RIMBP2: variants seen among roughly 807,000 people sequenced by gnomAD.
RIMBP2 encodes the protein RIMS-binding protein 2.
A neutral mutation model predicts 118.6 loss-of-function variants in RIMBP2; 48 were observed. The observed-to-expected ratio is 0.40, with a 90% CI of 0.32 to 0.51. The LOEUF (loss-of-function observed/expected upper bound fraction) is 0.51, where lower values mean the gene tolerates loss of function less well. Ranked by LOEUF, RIMBP2 falls within the 20% of genes least tolerant of loss-of-function variation. The pLI, the probability that RIMBP2 is intolerant of heterozygous loss-of-function variation, is 0.41. For missense variants in RIMBP2, 1,551 were observed against 1,768.3 expected, an observed-to-expected ratio of 0.88 and a Z score of 2.20; for synonymous variants, 762 against 742.9, an observed-to-expected ratio of 1.03 and a Z score of -0.42.
At chr12:130,590,280 A>G (rs757113474) in intron 2 of RIMBP2, among the ~76,000 whole-genome samples, 7 of 152,120 alleles carry the variant, frequency 4.6e-5, no homozygotes, top group Non-Finnish European at 1.0e-4. Context: ...GCTGAAGCTC[A>G]AGGCCACCTG....
chr12:130,404,862 GTAGTGT>G (rs2075012111), intron 21 of RIMBP2, among the ~76,000 whole-genome samples: 1 of 152,098 alleles, frequency 6.6e-6, no homozygotes, highest in African/African-American at 2.4e-5. Flanking sequence ...ACAGCATGGA[GTAGTGT>G]TAAAGTCCAT....
chr12:130,409,660 G>A (rs1188638243), intron 19 of RIMBP2, among the ~76,000 whole-genome samples: 1 of 152,112 alleles, frequency 6.6e-6, no homozygotes, highest in Non-Finnish European at 1.5e-5. Context: ...TAGCTTTTGA[G>A]ACAGGCTTCT....
chr12:130,397,742 A>C, intron 22 of RIMBP2, 193 bp from the exon 23 acceptor site: 3 of 374,456 alleles, frequency 8.0e-6, no homozygotes, highest in Non-Finnish European at 1.4e-5. Context: ...CCAGACATAA[A>C]TGTGTGGGTT....
At chr12:130,416,382 G>A (rs1039493675) in intron 17 of RIMBP2, among the ~76,000 whole-genome samples, 2 of 152,118 alleles carry the variant, frequency 1.3e-5, no homozygotes, top group African/African-American at 4.8e-5. Context: ...CAGACACACA[G>A]ACTAATGGAA....
At chr12:130,672,344 T>C (rs1427829355) in intron 1 of RIMBP2, among the ~76,000 whole-genome samples, 2 of 152,350 alleles carry the variant, frequency 1.3e-5, no homozygotes, top group Non-Finnish European at 2.9e-5. Flanking sequence ...AAATAAGAAA[T>C]CGTTTTCCAT....
intron 2 of RIMBP2, among the ~76,000 whole-genome samples, chr12:130,544,361 C>A (rs1035233963): frequency 1.3e-5 from 2 of 152,194 alleles, no homozygotes; most frequent in South Asian, 4.1e-4. Flanking sequence ...CAGGATTGGT[C>A]AGCTGGTCCA....
chr12:130,436,639 A>G (rs572390925), intron 13 of RIMBP2, among the ~76,000 whole-genome samples: 19 of 152,330 alleles, frequency 1.2e-4, no homozygotes, highest in African/African-American at 4.6e-4. Flanking sequence ...ATGTGGCTAC[A>G]TATTAGCAAA....
intron 21 of RIMBP2, among the ~76,000 whole-genome samples, chr12:130,404,213 C>CA (rs772961633): frequency 6.6e-6 from 1 of 152,198 alleles, no homozygotes; most frequent in Non-Finnish European, 1.5e-5. Context: ...TACACACACA[C>CA]ACACTTTTCC....
At position 130,447,144 on chromosome 12, in the gene RIMBP2, C is replaced by T. The variant is rs1566054230; in HGVS notation, c.582-1875G>A. On this transcript the variant is annotated intron_variant, in intron 9 of 22. Transcript: ENST00000690449. The surrounding 1 kb of genome is among the most constrained non-coding windows in gnomAD (Gnocchi z 4.4). The stretch of plus-strand genomic sequence containing the variant: ...GGCCACGCCTTCAGGAGTGCCCACA[C>T]CTGACGCTCAGGAAGAGAAGCTTCC... Among the ~76,000 whole-genome samples, 2 of 151,588 alleles carry T rather than the reference C, an allele frequency of 1.3e-5. No individual in the cohort carries two copies. Among genetic ancestry groups the T allele is most frequent in the African/African-American group, 4.8e-5 (2 of 41,248 alleles).
intron 1 of RIMBP2, among the ~76,000 whole-genome samples, chr12:130,633,238 CTCA>C (rs1331810133): frequency 1.3e-5 from 2 of 152,186 alleles, no homozygotes; most frequent in Non-Finnish European, 2.9e-5. Flanking sequence ...TCAACTTTGT[CTCA>C]TCATTTGAGC....
At position 130,446,546 on chromosome 12, in the gene RIMBP2, G is replaced by GAC. The variant is rs1286679705; in HGVS notation, c.582-1279_582-1278dup. ...GCAGAGGTCCAGGAACCCAATCCAAGACCCTGACAGCACCCAGCAGGTCAG... is the reference window on the plus strand; with the variant it reads ...GCAGAGGTCCAGGAACCCAATCCAAGACACCCTGACAGCACCCAGCAGGTCAG... On this transcript the variant is annotated intron_variant, in intron 9 of 22. Transcript: ENST00000690449. The surrounding 1 kb of genome is among the most constrained non-coding windows in gnomAD (Gnocchi z 4.1). Among the ~76,000 whole-genome samples, 3 of 148,268 alleles carry GAC rather than the reference G, an allele frequency of 2.0e-5. No individual in the cohort carries two copies. The highest frequency in any genetic ancestry group is 7.9e-5 in the African/African-American group (3 of 37,742).
intron 2 of RIMBP2, among the ~76,000 whole-genome samples, chr12:130,554,657 T>C (rs773363934): frequency 5.9e-5 from 9 of 152,266 alleles, no homozygotes; most frequent in Non-Finnish European, 8.8e-5. Context: ...ACACATTTGA[T>C]AAACATTAAT....
chr12:130,496,811 C>T (rs2049211567), intron 4 of RIMBP2, among the ~76,000 whole-genome samples: 1 of 152,166 alleles, frequency 6.6e-6, no homozygotes, highest in African/African-American at 2.4e-5. Flanking sequence ...TGTCCTCTCC[C>T]TGAGGAGTGG....
chr12:130,589,358 A>G (rs957175119), intron 2 of RIMBP2, among the ~76,000 whole-genome samples: 43 of 126,198 alleles, frequency 3.4e-4, no homozygotes, highest in Non-Finnish European at 6.1e-4. Context: ...GACTCTTTAA[A>G]AAAGAAAAAA....
rs2076479817 is a variant in RIMBP2 at position 130,422,474 on chromosome 12, G to T, written c.3217C>A (p.Pro1073Thr). The change falls in exon 17 of 23, where the codon CCC becomes ACC. Residue 1073 changes from proline (P) to threonine (T), a missense_variant. Pro to Thr is a conservative substitution (Grantham distance 38). Transcript: ENST00000690449. This position sits in a 1 kb window ranked among gnomAD's most constrained non-coding sequence, Gnocchi z 5.2. Reference protein sequence around the residue: ...RGSAGPQRSRPVTVPSIDDYG... With the variant: ...RGSAGPQRSRTVTVPSIDDYG... ...TAACCGATGGATGGGACTGTCACGG[G>T]CCGGGACCTCTGAGGACCAGCGCTG... 6.2e-7 allele frequency: 1 copy of T among 1,612,278 alleles called. No individual in the cohort carries two copies. The highest frequency in any genetic ancestry group is 8.5e-7 in the Non-Finnish European group (1 of 1,178,612).
chr12:130,608,613 C>T lies in RIMBP2; in HGVS notation c.-217+19709G>A, dbSNP rs577392822. On this transcript the variant is annotated intron_variant, in intron 2 of 22. Transcript: ENST00000690449. The stretch of plus-strand genomic sequence containing the variant: ...TGGGCAGTGGGGAGAAGCATCTCCA[C>T]CGGGGAGGGGAGGCTCAGGCCCTGT... Among the ~76,000 whole-genome samples, 3 of 152,288 alleles carry T rather than the reference C, an allele frequency of 2.0e-5. No homozygotes were observed. The East Asian group carries it at 5.8e-4, about 29-fold the overall frequency.
At chr12:130,604,234 A>G (rs936061158) in intron 2 of RIMBP2, among the ~76,000 whole-genome samples, 2 of 151,720 alleles carry the variant, frequency 1.3e-5, no homozygotes, top group Admixed American at 6.6e-5. Context: ...CAGCTGTGCA[A>G]TGTCTTTGTG....
At chr12:130,557,875 A>G (rs1429748600) in intron 2 of RIMBP2, among the ~76,000 whole-genome samples, 2 of 152,106 alleles carry the variant, frequency 1.3e-5, no homozygotes, top group East Asian at 3.9e-4. Context: ...CCTTGCTCCA[A>G]TTCCTGCCCC....
intron 2 of RIMBP2, among the ~76,000 whole-genome samples, chr12:130,532,356 GCCTCT>G (rs2053518144): frequency 1.3e-5 from 2 of 149,914 alleles, no homozygotes; most frequent in African/African-American, 5.0e-5. Flanking sequence ...CGTGTGTGTA[GCCTCT>G]AGGAGTTACG....
Sources: allele counts gnomAD v4.1 joint callset (sites outside exome capture counted in the v4.1 genomes callset), GRCh38; gene constraint gnomAD v4.1.1; non-coding constraint Gnocchi (gnomAD v3.1); transcripts MANE v1.5; gene names NCBI Gene and HGNC (gene_info 2026-07-23, HGNC 2026-07-21).